The following NKAIN2 variants were observed in gnomAD, a reference collection of about 807,000 sequenced individuals.
NKAIN2 encodes the protein sodium/potassium-transporting ATPase subunit beta-1-interacting protein 2.
In NKAIN2, 14 loss-of-function variants were observed where a neutral mutation model predicts 32.6. The observed-to-expected ratio is 0.43, with a 90% confidence interval of 0.28 to 0.67. NKAIN2 has a LOEUF of 0.67. Among genes scored for constraint, NKAIN2 ranks in the 30% least tolerant of loss-of-function variants. The pLI is 0.17. For synonymous variants in NKAIN2, 80 were observed against 87.2 expected, an observed-to-expected ratio of 0.92 and a Z score of 0.46; for missense variants, 198 against 258.3, an observed-to-expected ratio of 0.77 and a Z score of 1.60.
intron 1 of NKAIN2, among the ~76,000 whole-genome samples, chr6:124,097,065 A>G (rs1485064431): frequency 6.6e-6 from 1 of 152,130 alleles, no homozygotes; most frequent in East Asian, 1.9e-4. Context: ...ACTTGAAATG[A>G]TAGAAGCCTT....
intron 2 of NKAIN2, among the ~76,000 whole-genome samples, chr6:124,343,653 C>G (rs963396961): frequency 2.0e-5 from 3 of 149,098 alleles, no homozygotes; most frequent in African/African-American, 7.3e-5. Flanking sequence ...CTGTTGATAT[C>G]CTTCGCCCAC....
intron 3 of NKAIN2, among the ~76,000 whole-genome samples, chr6:124,583,679 G>A (rs1383182690): frequency 6.6e-6 from 1 of 152,076 alleles, no homozygotes; most frequent in Non-Finnish European, 1.5e-5. Context: ...ACCTAGAACA[G>A]CCAAAGCTAT....
intron 3 of NKAIN2, among the ~76,000 whole-genome samples, chr6:124,461,350 C>T (rs980878455): frequency 4.6e-5 from 7 of 151,708 alleles, no homozygotes; most frequent in African/African-American, 1.5e-4. Context: ...TCTTTCCACA[C>T]TTTAATTAAT....
At chr6:124,165,715 G>T (rs1562396135) in intron 1 of NKAIN2, among the ~76,000 whole-genome samples, 2 of 145,344 alleles carry the variant, frequency 1.4e-5, no homozygotes, top group Non-Finnish European at 3.0e-5. Context: ...CCCTCCCTGT[G>T]TCCATGTGTT....
intron 3 of NKAIN2, among the ~76,000 whole-genome samples, chr6:124,457,482 C>T (rs1037014652): frequency 5.2e-4 from 79 of 152,038 alleles, no homozygotes; most frequent in African/African-American, 1.9e-3. Context: ...CTAAACTTCT[C>T]TAACCACATA....
rs191143005 is a variant in NKAIN2, at chr6:124,644,364, G to A, written c.274-13822G>A. ...CATGTTTTTCCTATGAATACATCCC[G>A]AATGCATCCAGAGTGTAAAAGATTT... is the stretch of plus-strand genomic sequence containing the variant. On this transcript the variant is annotated intron_variant, in intron 3 of 6. Coordinates refer to ENST00000368417, the MANE Select transcript of NKAIN2 (RefSeq NM_001040214.3). Among the ~76,000 whole-genome samples, 972 of 151,064 alleles carry A rather than the reference G, an allele frequency of 6.4e-3. 8 individuals are homozygous for A. The highest frequency in any genetic ancestry group is 0.023 in the African/African-American group (928 of 41,226).
intron 1 of NKAIN2, among the ~76,000 whole-genome samples, chr6:123,876,781 C>A (rs1473046008): frequency 1.3e-5 from 2 of 152,214 alleles, no homozygotes; most frequent in Admixed American, 6.5e-5. Flanking sequence ...CTGCTTTTCT[C>A]AGTCCACTAA....
In NKAIN2 at chr6:124,217,063, C is replaced by T. The variant is rs1271354598; in HGVS notation, c.55-65942C>T. Among the ~76,000 whole-genome samples the T allele has an allele frequency of 2.0e-5, 3 of 151,850 alleles. No homozygotes were observed. The East Asian group carries it at 5.8e-4, about 29-fold the overall frequency. ...AATATGACCAAAGTTTGCCACATAGCCATACTGGGAAAATGGTGAGAGGAT... is the reference window on the plus strand; with the variant it reads ...AATATGACCAAAGTTTGCCACATAGTCATACTGGGAAAATGGTGAGAGGAT... On this transcript the variant is annotated intron_variant, in intron 1 of 6. Transcript: ENST00000368417.
chr6:124,397,453 A>G (rs1247353342), intron 3 of NKAIN2, among the ~76,000 whole-genome samples: 3 of 151,878 alleles, frequency 2.0e-5, no homozygotes, highest in African/African-American at 7.3e-5. Context: ...TGTACCTACC[A>G]TTGGGCTGTT....
At chr6:124,639,210 T>C (rs1209549591) in intron 3 of NKAIN2, among the ~76,000 whole-genome samples, 2 of 152,186 alleles carry the variant, frequency 1.3e-5, no homozygotes, top group African/African-American at 4.8e-5. Context: ...CAACAATTCT[T>C]CTACTGGGTA....
intron 3 of NKAIN2, among the ~76,000 whole-genome samples, chr6:124,555,513 A>G (rs1264723123): frequency 1.3e-5 from 2 of 152,078 alleles, no homozygotes; most frequent in East Asian, 1.9e-4. Context: ...AACAATTAGA[A>G]TATCATGTTC....
chr6:123,841,559 T>C (rs1288276417), intron 1 of NKAIN2, among the ~76,000 whole-genome samples: 1 of 152,106 alleles, frequency 6.6e-6, no homozygotes, highest in Non-Finnish European at 1.5e-5. Context: ...TTTTATGACA[T>C]CCATCCATCA....
intron 1 of NKAIN2, among the ~76,000 whole-genome samples, chr6:124,127,834 C>T (rs1266686001): frequency 4.6e-5 from 7 of 151,766 alleles, no homozygotes; most frequent in Non-Finnish European, 7.4e-5. Flanking sequence ...TTGCTATTCC[C>T]GTTTTTTTTT....
rs928657229 is a variant in NKAIN2 at position 124,089,970 on chromosome 6, A to G, written c.55-193035A>G. Among the ~76,000 whole-genome samples the G allele has an allele frequency of 2.6e-5, 4 of 151,950 alleles. No homozygotes were observed. In the East Asian group the frequency reaches 7.7e-4, roughly 29 times the overall value. ...TCTCTTAGCCAGTTTGCTATAGTAC[A>G]TGTACATACTCCATTATGAATAGTT... is the stretch of plus-strand genomic sequence containing the variant. On this transcript the variant is annotated intron_variant, in intron 1 of 6. Transcript: ENST00000368417.
At chr6:124,049,227 CT>C (rs1242730129) in intron 1 of NKAIN2, among the ~76,000 whole-genome samples, 1 of 151,886 alleles carries the variant, frequency 6.6e-6, no homozygotes, top group African/African-American at 2.4e-5. Context: ...ATGGCTTAGC[CT>C]TGTTTCTAGC....
At chr6:124,273,076 G>T (rs1380316719) in intron 1 of NKAIN2, among the ~76,000 whole-genome samples, 1 of 152,166 alleles carries the variant, frequency 6.6e-6, no homozygotes, top group Non-Finnish European at 1.5e-5. Flanking sequence ...TTGGACTTTT[G>T]GGTTAATGCT....
intron 4 of NKAIN2, among the ~76,000 whole-genome samples, chr6:124,741,989 GT>G (rs1341140418): frequency 3.9e-5 from 6 of 151,948 alleles, no homozygotes; most frequent in Middle Eastern, 6.8e-3. Flanking sequence ...AGTGTGGAAT[GT>G]TCAGATTCCA....
At chr6:124,577,653 G>T (rs1351397920) in intron 3 of NKAIN2, among the ~76,000 whole-genome samples, 3 of 152,146 alleles carry the variant, frequency 2.0e-5, no homozygotes, top group Middle Eastern at 3.4e-3. Context: ...CAATTCCTGG[G>T]CAAGTTCTGG....
At chr6:123,853,216 G>C (rs1163875835) in intron 1 of NKAIN2, among the ~76,000 whole-genome samples, 1 of 152,132 alleles carries the variant, frequency 6.6e-6, no homozygotes, top group Non-Finnish European at 1.5e-5. Flanking sequence ...TATGACAGTA[G>C]AAATTTAGTA....
Sources: gnomAD v4.1 joint callset for allele counts (sites outside exome capture counted in the v4.1 genomes callset) on GRCh38, gnomAD v4.1.1 for gene constraint, MANE v1.5 for transcripts, NCBI Gene and HGNC (gene_info 2026-07-23, HGNC 2026-07-21) for gene names.